PREX2: variants seen among roughly 807,000 people sequenced by gnomAD.
PREX2 encodes the protein phosphatidylinositol-3,4,5-trisphosphate dependent Rac exchange factor 2, also known as phosphatidylinositol 3,4,5-trisphosphate-dependent Rac exchanger 2 protein.
A neutral mutation model predicts 203.2 loss-of-function variants in PREX2; 107 were observed. The ratio of observed to expected loss-of-function variants is 0.53; its 90% CI spans 0.45 to 0.62. PREX2 has a LOEUF of 0.62. PREX2 is among the 20% of genes least tolerant of loss of function. The pLI is 0.00. For missense variants in PREX2, 1,777 were observed against 1,955.9 expected, an observed-to-expected ratio of 0.91 and a Z score of 1.72; for synonymous variants, 672 against 663.6, an observed-to-expected ratio of 1.01 and a Z score of -0.19.
At chr8:68,130,211 GC>G (rs2129613314) in intron 31 of PREX2, among the ~76,000 whole-genome samples, 1 of 152,042 alleles carries the variant, frequency 6.6e-6, no homozygotes, top group Admixed American at 6.6e-5. Flanking sequence ...GATCTCTTGA[GC>G]CTGGGAGTTT....
rs1435567623 is a variant in PREX2, at chr8:68,235,275, T to A, written c.*3897T>A. On this transcript the variant is annotated 3_prime_UTR_variant, in exon 40 of 40. Coordinates refer to ENST00000288368, the MANE Select transcript of PREX2 (RefSeq NM_024870.4). Reference sequence around the variant, plus strand: ...GTCACTTTTACTTTACATTTTACTTTAAAGGTCGTTTTTAGACTTTATGCA... The same window carrying A: ...GTCACTTTTACTTTACATTTTACTTAAAAGGTCGTTTTTAGACTTTATGCA... 1 of 152,168 alleles carries A rather than the reference T, an allele frequency of 6.6e-6. No homozygotes were observed. The highest frequency in any genetic ancestry group is 1.5e-5 in the Non-Finnish European group (1 of 68,018). The allele number at this position is 152,168 out of a possible 1,614,324, so 9.4% of individuals were successfully genotyped here.
At chr8:68,132,889 T>C (rs1811035759) in intron 31 of PREX2, among the ~76,000 whole-genome samples, 1 of 152,204 alleles carries the variant, frequency 6.6e-6, no homozygotes, top group Non-Finnish European at 1.5e-5. Context: ...CCTGAAGAAA[T>C]GAACTCTGTG....
chr8:68,084,751 G>T (rs1178914045), intron 18 of PREX2, among the ~76,000 whole-genome samples: 1 of 152,142 alleles, frequency 6.6e-6, no homozygotes, highest in Admixed American at 6.6e-5. Context: ...TCTAGGAGAA[G>T]ACTGTCCTGC....
intron 23 of PREX2, 136 bp from the exon 24 acceptor site, chr8:68,107,971 CAT>C (rs1457340211): frequency 2.0e-5 from 12 of 610,254 alleles, no homozygotes; most frequent in Middle Eastern, 4.2e-4. Flanking sequence ...TTTCTAACAA[CAT>C]ATAATTTATT....
At chr8:67,979,336 A>AT (rs1327831215) in intron 1 of PREX2, among the ~76,000 whole-genome samples, 1 of 152,048 alleles carries the variant, frequency 6.6e-6, no homozygotes, top group East Asian at 1.9e-4. Flanking sequence ...CTAAAATTAC[A>AT]TTTTCTTCAC....
chr8:68,086,336 T>G (rs954417732), intron 18 of PREX2, among the ~76,000 whole-genome samples: 1 of 152,180 alleles, frequency 6.6e-6, no homozygotes, highest in Non-Finnish European at 1.5e-5. Context: ...GCCTATGGCT[T>G]TCTGAAGTGT....
chr8:68,174,744 C>A (rs1331046747), intron 35 of PREX2, among the ~76,000 whole-genome samples: 1 of 152,128 alleles, frequency 6.6e-6, no homozygotes, highest in Non-Finnish European at 1.5e-5. Flanking sequence ...GTTGACAAAG[C>A]AGCTACTAAT....
At chr8:68,073,965 G>T (rs1304412321) in intron 14 of PREX2, among the ~76,000 whole-genome samples, 1 of 151,788 alleles carries the variant, frequency 6.6e-6, no homozygotes, top group Non-Finnish European at 1.5e-5. Context: ...CTCAAAAACG[G>T]CCAAGTTGCC....
At chr8:68,083,622 C>G (rs1809596916) in intron 18 of PREX2, among the ~76,000 whole-genome samples, 1 of 152,144 alleles carries the variant, frequency 6.6e-6, no homozygotes, top group Non-Finnish European at 1.5e-5. Flanking sequence ...TTTTCTTTTG[C>G]TGCCCACATT....
chr8:68,157,373 A>G lies in PREX2; in HGVS notation c.4283A>G (p.Glu1428Gly), dbSNP rs1340782003. Residue 1428 changes from glutamate to glycine, a missense_variant, in exon 35 of 40, where the codon GAA (glutamate) becomes GGA (glycine). Coordinates refer to ENST00000288368, the MANE Select transcript of PREX2 (RefSeq NM_024870.4). ...YYYRDNVSVEEFQAQINAASL... is the reference protein window; with the variant it reads ...YYYRDNVSVEGFQAQINAASL... ...TACAGAGACAATGTTTCTGTGGAAG[A>G]ATTTCAAGCTCAGATAAATGCAGCC... The G allele has an allele frequency of 6.2e-7, 1 of 1,612,896 alleles. No individual in the cohort carries two copies. Among genetic ancestry groups the G allele is most frequent in the South Asian group, 1.1e-5 (1 of 91,014 alleles).
chr8:68,033,794 T>TG (rs1416921602), intron 6 of PREX2, among the ~76,000 whole-genome samples: 1 of 152,206 alleles, frequency 6.6e-6, no homozygotes, highest in Non-Finnish European at 1.5e-5. Context: ...GGGGAAATAC[T>TG]GATTCTCCAT....
At chr8:68,046,191 T>C (rs573087330) in intron 8 of PREX2, among the ~76,000 whole-genome samples, 2 of 152,192 alleles carry the variant, frequency 1.3e-5, no homozygotes, top group Admixed American at 6.5e-5. Flanking sequence ...AGATTGAATA[T>C]CCACCCCTTA....
chr8:68,185,454 T>G (rs958438111), intron 35 of PREX2, among the ~76,000 whole-genome samples: 3 of 152,172 alleles, frequency 2.0e-5, no homozygotes, highest in Non-Finnish European at 2.9e-5. Flanking sequence ...GTCAGAATTC[T>G]ACCCATGCGT....
At position 68,236,139 on chromosome 8, in the gene PREX2, A is replaced by G. The variant is rs921202424; in HGVS notation, c.*4761A>G. On this transcript the variant is annotated 3_prime_UTR_variant, in exon 40 of 40. Coordinates refer to ENST00000288368, the MANE Select transcript of PREX2 (RefSeq NM_024870.4). ...TTACTGTAAGCATCAGAGCTGTCCA[A>G]CCATGTGTAAATGTACCTGGTCTTT... The G allele has an allele frequency of 6.6e-6, 1 of 152,206 alleles. No homozygotes were observed. The highest frequency in any genetic ancestry group is 2.1e-4 in the South Asian group (1 of 4,826). The allele number at this position is 152,206 out of a possible 1,614,324, so 9.4% of individuals were successfully genotyped here.
intron 11 of PREX2, among the ~76,000 whole-genome samples, chr8:68,067,103 A>G (rs1382630024): frequency 2.0e-5 from 3 of 152,060 alleles, no homozygotes; most frequent in Non-Finnish European, 4.4e-5. Flanking sequence ...GTCCAGTACC[A>G]TGCTGTTTTT....
At chr8:68,000,126 C>T (rs756192111) in intron 1 of PREX2, among the ~76,000 whole-genome samples, 1 of 152,012 alleles carries the variant, frequency 6.6e-6, no homozygotes, top group African/African-American at 2.4e-5. Context: ...GGCAATTAGG[C>T]AAGAGAAATA....
intron 37 of PREX2, among the ~76,000 whole-genome samples, chr8:68,201,733 C>G (rs1406932218): frequency 6.6e-6 from 1 of 151,988 alleles, no homozygotes; most frequent in South Asian, 2.1e-4. Flanking sequence ...ATCCTTCAGT[C>G]CAATCAAGTT....
chr8:68,031,606 C>G (rs1381653758), intron 6 of PREX2, among the ~76,000 whole-genome samples: 1 of 152,178 alleles, frequency 6.6e-6, no homozygotes, highest in African/African-American at 2.4e-5. Flanking sequence ...TTTGTCCCTT[C>G]TCTCCTGTGA....
rs143436532 is a variant in PREX2, at chr8:68,211,170, G to A, written c.4605-6446G>A. 1.5e-3 allele frequency among the ~76,000 whole-genome samples: 228 copies of A among 152,208 alleles called. No individual in the cohort carries two copies. In the Middle Eastern group the frequency reaches 0.017, roughly 11 times the overall value. ...AGATCTGATATCTAAGATCAACTGGGACAAACACCTGAAAAAACAATCACA... is the reference window on the plus strand; with the variant it reads ...AGATCTGATATCTAAGATCAACTGGAACAAACACCTGAAAAAACAATCACA... On this transcript the variant is annotated intron_variant, in intron 37 of 39. Transcript: ENST00000288368.
Sources: gnomAD v4.1 joint callset for allele counts (sites outside exome capture counted in the v4.1 genomes callset) on GRCh38, gnomAD v4.1.1 for gene constraint, MANE v1.5 for transcripts, NCBI Gene and HGNC (gene_info 2026-07-23, HGNC 2026-07-21) for gene names.